Variants in PARPBP observed in about 807,000 individuals in gnomAD.
The protein encoded by PARPBP is PCNA-interacting partner.
In PARPBP, 52 loss-of-function variants were observed where a neutral mutation model predicts 50.0. The observed-to-expected ratio is 1.04, with a 90% confidence interval of 0.83 to 1.31. The LOEUF (loss-of-function observed/expected upper bound fraction) is 1.31. Among genes scored for constraint, PARPBP ranks in the 50% most tolerant of loss-of-function variants. PARPBP has a pLI of 0.00. For missense variants in PARPBP, 697 were observed against 672.0 expected, an observed-to-expected ratio of 1.04 and a Z score of -0.41; for synonymous variants, 244 against 232.1, an observed-to-expected ratio of 1.05 and a Z score of -0.47.
At chr12:102,148,653 G>A in intron 3 of PARPBP, 190 bp downstream of exon 3, 1 of 438,620 alleles carries the variant, frequency 2.3e-6, no homozygotes, top group Non-Finnish European at 4.0e-6. Flanking sequence ...AAATTTTCTT[G>A]GACTTGTGTT....
At chr12:102,133,985 T>C (rs1484030295) in intron 2 of PARPBP, among the ~76,000 whole-genome samples, 4 of 151,824 alleles carry the variant, frequency 2.6e-5, no homozygotes, top group Admixed American at 6.6e-5. Flanking sequence ...GGAAAGCTTA[T>C]AGCAATAAAC....
chr12:102,152,137 A>C (rs1047246143), intron 3 of PARPBP: 10 of 274,322 alleles, frequency 3.6e-5, no homozygotes, highest in Non-Finnish European at 6.4e-5. Context: ...GATGTTGGGC[A>C]GGTGGGCTGG....
chr12:102,190,721 G>A (rs1890720557), intron 9 of PARPBP, among the ~76,000 whole-genome samples: 1 of 152,154 alleles, frequency 6.6e-6, no homozygotes. Flanking sequence ...ACCACAGCTG[G>A]CCATCAGTTG....
At position 102,178,572 on chromosome 12, in the gene PARPBP, A is replaced by G. The variant is rs1291470347; in HGVS notation, c.1006-20A>G. 4.6e-6 allele frequency: 7 copies of G among 1,533,824 alleles called. No individual in the cohort carries two copies. Among genetic ancestry groups the G allele is most frequent in the South Asian group, 1.3e-5 (1 of 79,682 alleles). ...GCTGGGGTGATTATTACATTTACCT[A>G]AAATTATTTTTTGTCTCAGCCAAAA... is the stretch of plus-strand genomic sequence containing the variant. On this transcript the variant is annotated intron_variant, in intron 7 of 10. Transcript: ENST00000327680.
chr12:102,171,123 C>T (rs1477086363), intron 6 of PARPBP, among the ~76,000 whole-genome samples: 1 of 151,248 alleles, frequency 6.6e-6, no homozygotes, highest in Admixed American at 6.6e-5. Flanking sequence ...CCTGAAGGAC[C>T]TGCCTGAGAC....
chr12:102,120,483 A>G (rs940697386), intron 1 of PARPBP, 197 bp downstream of exon 1: 5 of 456,382 alleles, frequency 1.1e-5, no homozygotes, highest in Admixed American at 9.4e-5. Context: ...GTATCTAGCG[A>G]TGGAGCTGGT....
At chr12:102,145,000 A>G (rs1885161038) in intron 2 of PARPBP, among the ~76,000 whole-genome samples, 1 of 152,166 alleles carries the variant, frequency 6.6e-6, no homozygotes, top group Non-Finnish European at 1.5e-5. Flanking sequence ...CCCCTGCACT[A>G]AGGACAATGA....
chr12:102,177,998 A>G (rs562103412), intron 7 of PARPBP, among the ~76,000 whole-genome samples: 1 of 152,310 alleles, frequency 6.6e-6, no homozygotes, highest in African/African-American at 2.4e-5. Context: ...TACACTTATT[A>G]GAAATAGCAC....
At chr12:102,132,080 C>T (rs1311668769) in intron 2 of PARPBP, among the ~76,000 whole-genome samples, 2 of 152,098 alleles carry the variant, frequency 1.3e-5, no homozygotes, top group African/African-American at 4.8e-5. Context: ...TGGCATGTGC[C>T]TGTAATCCCA....
chr12:102,123,113 G>A lies in PARPBP; in HGVS notation c.-3-773G>A, dbSNP rs183834492. ...ATGTCTACCAGGGAAGCTTATTAGAGACTTAATGCCCAGGGTTTTTATTGG... is the reference window on the plus strand; with the variant it reads ...ATGTCTACCAGGGAAGCTTATTAGAAACTTAATGCCCAGGGTTTTTATTGG... On this transcript the variant is annotated intron_variant, in intron 1 of 10. Coordinates refer to ENST00000327680, the MANE Select transcript of PARPBP (RefSeq NM_017915.5). Among the ~76,000 whole-genome samples, 11 of 152,286 alleles carry A rather than the reference G, an allele frequency of 7.2e-5. No homozygotes were observed. In the East Asian group the frequency reaches 2.1e-3, roughly 29 times the overall value.
At position 102,135,486 on chromosome 12, in the gene PARPBP, A is replaced by G. The variant is rs373985207; in HGVS notation, c.153+11445A>G. Reference sequence around the variant, plus strand: ...TGTGAACCCGGGAGGCAGAGCTTGCAGTGAGATCGCACCACTGCACTCCAG... The same window carrying G: ...TGTGAACCCGGGAGGCAGAGCTTGCGGTGAGATCGCACCACTGCACTCCAG... On this transcript the variant is annotated intron_variant, in intron 2 of 10. Transcript: ENST00000327680. Among the ~76,000 whole-genome samples the G allele has an allele frequency of 1.1e-4, 16 of 142,740 alleles. 1 individual carries two copies. The highest frequency in any genetic ancestry group is 2.2e-4 in the Admixed American group (3 of 13,760). 93.6% of individuals were successfully genotyped at this position (142,740 alleles called of 152,430 possible).
At chr12:102,168,485 CT>C (rs1005259141) in intron 6 of PARPBP, among the ~76,000 whole-genome samples, 2 of 152,000 alleles carry the variant, frequency 1.3e-5, no homozygotes, top group African/African-American at 2.4e-5. Flanking sequence ...TTTTTGTTAT[CT>C]TTTTTGTGTT....
At chr12:102,121,273 C>A (rs570795210) in intron 1 of PARPBP, among the ~76,000 whole-genome samples, 10 of 152,032 alleles carry the variant, frequency 6.6e-5, no homozygotes, top group African/African-American at 2.4e-4. Context: ...AGGAGTGTTA[C>A]GTGTTTATAT....
At chr12:102,137,110 C>T (rs1194740884) in intron 2 of PARPBP, among the ~76,000 whole-genome samples, 1 of 152,064 alleles carries the variant, frequency 6.6e-6, no homozygotes, top group African/African-American at 2.4e-5. Flanking sequence ...CCCACCACCA[C>T]GCCTAGCTAA....
intron 2 of PARPBP, among the ~76,000 whole-genome samples, chr12:102,140,016 T>C (rs1884301198): frequency 6.6e-6 from 1 of 152,216 alleles, no homozygotes; most frequent in Admixed American, 6.5e-5. Flanking sequence ...TTAGGGATGA[T>C]TCCCTCTTTT....
intron 9 of PARPBP, among the ~76,000 whole-genome samples, chr12:102,188,585 C>T (rs1890521194): frequency 6.6e-6 from 1 of 152,106 alleles, no homozygotes; most frequent in Admixed American, 6.6e-5. Context: ...AAGAGGTCAT[C>T]TGTAGCTTCT....
intron 2 of PARPBP, among the ~76,000 whole-genome samples, chr12:102,137,977 G>GTCT (rs1883926648): frequency 6.6e-6 from 1 of 152,192 alleles, no homozygotes; most frequent in South Asian, 2.1e-4. Flanking sequence ...GTGTGCGTGT[G>GTCT]TCTTCGTAGC....
rs147524335 is a variant in PARPBP at position 102,171,981 on chromosome 12, G to A, written c.822-3502G>A. Among the ~76,000 whole-genome samples, 15 of 152,246 alleles carry A rather than the reference G, an allele frequency of 9.9e-5. No homozygotes were observed. The East Asian group carries it at 2.9e-3, about 29-fold the overall frequency. On this transcript the variant is annotated intron_variant, in intron 6 of 10. Coordinates refer to ENST00000327680, the MANE Select transcript of PARPBP (RefSeq NM_017915.5). Reference sequence around the variant, plus strand: ...CAACAAATAGTTATCAAATTCTTGAGTATGGTATGGAAAAGCAGTCACTTT... The same window carrying A: ...CAACAAATAGTTATCAAATTCTTGAATATGGTATGGAAAAGCAGTCACTTT...
chr12:102,176,185 T>C (rs898430965), intron 7 of PARPBP, among the ~76,000 whole-genome samples: 4 of 152,114 alleles, frequency 2.6e-5, no homozygotes, highest in South Asian at 2.1e-4. Context: ...GGTTTCACTA[T>C]GTTGGCCAGG....
Sources: allele counts gnomAD v4.1 joint callset (sites outside exome capture counted in the v4.1 genomes callset), GRCh38; gene constraint gnomAD v4.1.1; transcripts MANE v1.5; gene names NCBI Gene and HGNC (gene_info 2026-07-23, HGNC 2026-07-21).